CERS6: variants seen among roughly 807,000 people sequenced by gnomAD.
The protein encoded by CERS6 is LAG1 homolog, ceramide synthase 6.
A neutral mutation model predicts 56.8 loss-of-function variants in CERS6; 26 were observed. The ratio of observed to expected loss-of-function variants is 0.46; its 90% CI spans 0.34 to 0.63. CERS6 has a LOEUF of 0.63. CERS6 is among the 30% of genes least tolerant of loss of function. CERS6 has a pLI of 0.01. For synonymous variants in CERS6, 164 were observed against 173.3 expected (o/e 0.95, Z 0.42); for missense variants, 415 against 467.5 (o/e 0.89, Z 1.04).
intron 4 of CERS6, among the ~76,000 whole-genome samples, chr2:168,670,966 T>TGC (rs1685893976): frequency 3.3e-5 from 1 of 30,570 alleles, no homozygotes. Context: ...GATACATGCT[T>TGC]CCCCCCCCCC....
intron 1 of CERS6, among the ~76,000 whole-genome samples, chr2:168,527,834 C>T (rs1439493682): frequency 6.6e-6 from 1 of 152,152 alleles, no homozygotes; most frequent in Non-Finnish European, 1.5e-5. Flanking sequence ...AATCTTCCCA[C>T]CTCAACCTCC....
chr2:168,490,642 C>T (rs1408688589), intron 1 of CERS6, among the ~76,000 whole-genome samples: 1 of 152,140 alleles, frequency 6.6e-6, no homozygotes, highest in Non-Finnish European at 1.5e-5. Context: ...CAGGTCACAA[C>T]CCATACTTCC....
At chr2:168,610,096 G>A (rs567552385) in intron 3 of CERS6, among the ~76,000 whole-genome samples, 1 of 147,908 alleles carries the variant, frequency 6.8e-6, no homozygotes, top group East Asian at 2.0e-4. Flanking sequence ...TCCTGCTTCA[G>A]CCTCCCAAGT....
In CERS6 at chr2:168,544,842, C is replaced by T. The variant is rs1030218738; in HGVS notation, c.171-2754C>T. Reference sequence around the variant, plus strand: ...GGGTAAACTGGGGCAAGTGGTTACTCGACCAGATGTCCCTGGTTTTTTTCA... The same window carrying T: ...GGGTAAACTGGGGCAAGTGGTTACTTGACCAGATGTCCCTGGTTTTTTTCA... On this transcript the variant is annotated intron_variant, in intron 1 of 9. Coordinates refer to ENST00000305747, the MANE Select transcript of CERS6 (RefSeq NM_203463.3). Among the ~76,000 whole-genome samples the T allele has an allele frequency of 7.2e-5, 11 of 152,180 alleles. 1 individual carries two copies. Among genetic ancestry groups the T allele is most frequent in the African/African-American group, 2.2e-4 (9 of 41,532 alleles).
At chr2:168,461,267 A>T (rs1693775105) in intron 1 of CERS6, among the ~76,000 whole-genome samples, 1 of 152,152 alleles carries the variant, frequency 6.6e-6, no homozygotes, top group African/African-American at 2.4e-5. Flanking sequence ...TTGTTAAGTT[A>T]TATGGCAATA....
chr2:168,478,416 C>T (rs966895727), intron 1 of CERS6, among the ~76,000 whole-genome samples: 2 of 152,122 alleles, frequency 1.3e-5, no homozygotes, highest in Non-Finnish European at 2.9e-5. Flanking sequence ...GACTTTGGAC[C>T]AGTATCCTGT....
intron 3 of CERS6, among the ~76,000 whole-genome samples, chr2:168,592,816 T>C (rs1446666856): frequency 6.6e-6 from 1 of 152,202 alleles, no homozygotes; most frequent in Non-Finnish European, 1.5e-5. Flanking sequence ...TTGGGTGTTA[T>C]TATGTATATT....
At chr2:168,602,563 G>A (rs1252730566) in intron 3 of CERS6, among the ~76,000 whole-genome samples, 1 of 152,218 alleles carries the variant, frequency 6.6e-6, no homozygotes, top group Non-Finnish European at 1.5e-5. Context: ...AGTATTCAGA[G>A]AGTTTAAATG....
At chr2:168,641,294 T>C (rs1266988363) in intron 4 of CERS6, among the ~76,000 whole-genome samples, 1 of 152,190 alleles carries the variant, frequency 6.6e-6, no homozygotes, top group African/African-American at 2.4e-5. Flanking sequence ...AAACTGATTG[T>C]AATCAGTTTA....
chr2:168,536,976 A>C (rs1695275549), intron 1 of CERS6, among the ~76,000 whole-genome samples: 1 of 152,170 alleles, frequency 6.6e-6, no homozygotes, highest in African/African-American at 2.4e-5. Flanking sequence ...GAGAACATGG[A>C]CTATTGTGTT....
chr2:168,702,006 A>G (rs1686817253), intron 6 of CERS6, among the ~76,000 whole-genome samples: 1 of 152,222 alleles, frequency 6.6e-6, no homozygotes, highest in East Asian at 1.9e-4. Context: ...AATAATAACA[A>G]GAAAAAAGTC....
chr2:168,533,963 G>A (rs1695212323), intron 1 of CERS6, among the ~76,000 whole-genome samples: 1 of 151,770 alleles, frequency 6.6e-6, no homozygotes. Flanking sequence ...TATTTCAGTA[G>A]GGCGGTCTTC....
At chr2:168,578,554 AG>A (rs1297369375) in intron 3 of CERS6, among the ~76,000 whole-genome samples, 2 of 152,228 alleles carry the variant, frequency 1.3e-5, no homozygotes, top group Non-Finnish European at 2.9e-5. Context: ...TTTTAATTTC[AG>A]GAAGCACATC....
rs77720910 is a variant in CERS6, at chr2:168,734,990, A to T, written c.845+17012A>T. ...AGCTCCTTAAGCATAAGGTAGAACA[A>T]TCTTTAAGAAATAAATATTAGGCCA... is the stretch of plus-strand genomic sequence containing the variant. On this transcript the variant is annotated intron_variant, in intron 8 of 9. Transcript: ENST00000305747. Among the ~76,000 whole-genome samples, 1,122 of 152,346 alleles carry T rather than the reference A, an allele frequency of 7.4e-3. 17 individuals are homozygous for T. The highest frequency in any genetic ancestry group is 0.025 in the African/African-American group (1,019 of 41,576).
intron 1 of CERS6, among the ~76,000 whole-genome samples, chr2:168,508,185 T>C (rs1261511829): frequency 1.3e-5 from 2 of 152,218 alleles, no homozygotes; most frequent in Non-Finnish European, 2.9e-5. Context: ...TTGGAAAACA[T>C]TGATTTACAA....
Position 168,521,276 on chromosome 2 carries a change from A to G in CERS6, c.171-26320A>G, listed in dbSNP as rs555098123. Among the ~76,000 whole-genome samples the G allele has an allele frequency of 2.6e-5, 4 of 152,322 alleles. No individual in the cohort carries two copies. The South Asian group carries it at 8.3e-4, about 32-fold the overall frequency. ...TCTGTAAGTGAAACGTTACAGTTTA[A>G]TGCTCAGTGTGGGACAGTGGGGAAA... On this transcript the variant is annotated intron_variant, in intron 1 of 9. Coordinates refer to ENST00000305747, the MANE Select transcript of CERS6 (RefSeq NM_203463.3).
intron 6 of CERS6, 97 bp from the exon 7 acceptor site, chr2:168,714,904 G>A (rs13014488): frequency 8.8e-7 from 1 of 1,136,982 alleles, no homozygotes; most frequent in Non-Finnish European, 1.2e-6. Flanking sequence ...TGCTAGGTTT[G>A]TGGAGGTTCT....
intron 3 of CERS6, among the ~76,000 whole-genome samples, chr2:168,568,395 T>C (rs1207067852): frequency 6.6e-6 from 1 of 152,242 alleles, no homozygotes; most frequent in African/African-American, 2.4e-5. Context: ...TGTTGTTGCT[T>C]AATGTATTTT....
Position 168,766,482 on chromosome 2 carries a change from T to TAGATCTGTGAACTGC in CERS6, c.1002+736_1002+737insATCTGTGAACTGCAG, listed in dbSNP as rs1468835662. 6 of 787,654 alleles carry TAGATCTGTGAACTGC rather than the reference T, an allele frequency of 7.6e-6. No individual in the cohort carries two copies. The African/African-American group carries it at 8.4e-5, about 11-fold the overall frequency. The allele number at this position is 787,654 out of a possible 1,614,324, so 48.8% of individuals were successfully genotyped here. A position where few individuals can be genotyped will look rare whatever the true frequency, so the allele number is the denominator to read the frequency against. ...CTGTCTAGAGGCTTCATGTGAGCTG[T>TAGATCTGTGAACTGC]AGCTCTGTGAACTGCAAGAGACACT... On this transcript the variant is annotated intron_variant, in intron 9 of 9. Coordinates refer to ENST00000305747, the MANE Select transcript of CERS6 (RefSeq NM_203463.3).
Sources: gnomAD v4.1 joint callset for allele counts (sites outside exome capture counted in the v4.1 genomes callset) on GRCh38, gnomAD v4.1.1 for gene constraint, MANE v1.5 for transcripts, NCBI Gene and HGNC (gene_info 2026-07-23, HGNC 2026-07-21) for gene names.